The following MTA3 variants were observed in gnomAD, a reference collection of about 807,000 sequenced individuals.
MTA3 encodes metastasis associated 1 family member 3, also known as metastasis-associated protein MTA3.
In MTA3, 34 loss-of-function variants were observed where a neutral mutation model predicts 83.5. That is an observed-to-expected ratio of 0.41 (90% CI 0.31 to 0.54). The LOEUF is 0.54. Ranked by LOEUF, MTA3 falls within the 20% of genes least tolerant of loss-of-function variation. The probability of loss-of-function intolerance (pLI) is 0.33; values close to 1 mark genes in which losing one functional copy is unlikely to be tolerated. For missense variants in MTA3, 761 were observed against 726.4 expected (o/e 1.05, Z -0.55); for synonymous variants, 303 against 252.7 (o/e 1.20, Z -1.89).
intron 4 of MTA3, among the ~76,000 whole-genome samples, chr2:42,620,139 T>A (rs951334368): frequency 2.7e-5 from 4 of 150,182 alleles, no homozygotes; most frequent in African/African-American, 7.3e-5. Context: ...TTTTTTTTTT[T>A]AAAGAGTCTT....
rs772663125 is a variant in MTA3 at position 42,708,944 on chromosome 2, C to T, written c.1373C>T (p.Pro458Leu). 3 of 1,613,990 alleles carry T rather than the reference C, an allele frequency of 1.9e-6. No homozygotes were observed. The highest frequency in any genetic ancestry group is 2.5e-6 in the Non-Finnish European group (3 of 1,179,882). The change falls in exon 14 of 17, where the codon CCA becomes CTA. Residue 458 changes from proline to leucine, a missense_variant. Transcript: ENST00000405094. ...ATGCCAGTCCGAAACACTGGGAGTC[C>T]AAAGTCTGCAGTGAAGACCCGCCAA... ...QGMPVRNTGS[P>L]KSAVKTRQAF...
chr2:42,631,431 A>G (rs1686662669), intron 4 of MTA3, among the ~76,000 whole-genome samples: 1 of 152,180 alleles, frequency 6.6e-6, no homozygotes, highest in Admixed American at 6.5e-5. Flanking sequence ...AACCAGAATC[A>G]CAGTGCACAA....
At chr2:42,605,941 C>G (rs1235683845) in intron 3 of MTA3, among the ~76,000 whole-genome samples, 32 of 27,092 alleles carry the variant, frequency 1.2e-3, no homozygotes, top group Non-Finnish European at 1.5e-3. Flanking sequence ...CTCACCTCCC[C>G]GACGGGGCGG....
At chr2:42,515,621 G>T (rs1465011624) in intron 2 of MTA3, among the ~76,000 whole-genome samples, 1 of 151,716 alleles carries the variant, frequency 6.6e-6, no homozygotes, top group Non-Finnish European at 1.5e-5. Flanking sequence ...TCCTGCCTCA[G>T]CCTTCTGAGT....
intron 4 of MTA3, 139 bp from the exon 5 acceptor site, chr2:42,640,034 A>G: frequency 3.3e-6 from 2 of 610,262 alleles, no homozygotes; most frequent in East Asian, 3.0e-5. Context: ...AAGTGGGTCT[A>G]AATGGTTTGA....
chr2:42,674,697 C>G (rs1266308911), intron 8 of MTA3, among the ~76,000 whole-genome samples: 2 of 147,732 alleles, frequency 1.4e-5, no homozygotes, highest in Non-Finnish European at 3.0e-5. Context: ...TTCCTGAGTT[C>G]AAGGGATTCT....
intron 2 of MTA3, among the ~76,000 whole-genome samples, chr2:42,538,777 G>GTT (rs10707947): frequency 7.5e-6 from 1 of 133,706 alleles, no homozygotes; most frequent in African/African-American, 2.8e-5. Context: ...GTTTTTTTTT[G>GTT]TTTTTTTTGA....
In MTA3 at chr2:42,595,106, A is replaced by T. The variant is rs867126163; in HGVS notation, c.191-14352A>T. 1.0e-2 allele frequency among the ~76,000 whole-genome samples: 770 copies of T among 77,052 alleles called. 8 individuals carry two copies. Among genetic ancestry groups the T allele is most frequent in the African/African-American group, 0.034 (646 of 18,742 alleles). The allele number at this position is 77,052 out of a possible 152,430, so 50.5% of individuals were successfully genotyped here. The stretch of plus-strand genomic sequence containing the variant: ...GGTAGTAAGGCTAAACAGGAGCTTC[A>T]TTTTTTTTTTTTTTTTTTTTTGAGA... On this transcript the variant is annotated intron_variant, in intron 3 of 16. Coordinates refer to ENST00000405094, the MANE Select transcript of MTA3 (RefSeq NM_001330442.2).
chr2:42,626,415 C>T (rs895424294), intron 4 of MTA3, among the ~76,000 whole-genome samples: 3 of 151,532 alleles, frequency 2.0e-5, no homozygotes, highest in South Asian at 2.1e-4. Context: ...CTCCTGCCTC[C>T]GCCTCCAGGG....
chr2:42,559,801 G>C (rs549038313), intron 2 of MTA3, among the ~76,000 whole-genome samples: 1 of 140,502 alleles, frequency 7.1e-6, no homozygotes, highest in Admixed American at 7.1e-5. Context: ...ACTTGAACCC[G>C]GGGCGGGGGG....
intron 6 of MTA3, among the ~76,000 whole-genome samples, chr2:42,645,175 C>CA (rs1224226672): frequency 0.051 from 1,923 of 38,074 alleles, 61 homozygotes; most frequent in Admixed American, 0.062. Context: ...GACTCTGTCT[C>CA]AAAAAAAAAA....
chr2:42,504,590 C>A (rs1674545069), intron 2 of MTA3, among the ~76,000 whole-genome samples: 1 of 152,044 alleles, frequency 6.6e-6, no homozygotes, highest in Non-Finnish European at 1.5e-5. Flanking sequence ...ACATGTCGCT[C>A]CTGTGTCATA....
intron 3 of MTA3, among the ~76,000 whole-genome samples, chr2:42,592,521 C>T (rs1681138388): frequency 6.6e-6 from 1 of 152,044 alleles, no homozygotes; most frequent in Admixed American, 6.6e-5. Flanking sequence ...GAGATTGAGG[C>T]TGCAGTGAGC....
At chr2:42,648,475 G>A (rs925205303) in intron 6 of MTA3, among the ~76,000 whole-genome samples, 6 of 152,186 alleles carry the variant, frequency 3.9e-5, no homozygotes, top group Non-Finnish European at 7.3e-5. Context: ...ACTCTGCCAG[G>A]ATATGTTACA....
intron 4 of MTA3, among the ~76,000 whole-genome samples, chr2:42,637,145 C>T (rs963543837): frequency 6.6e-6 from 1 of 152,174 alleles, no homozygotes; most frequent in South Asian, 2.1e-4. Flanking sequence ...TGCGCAGTCT[C>T]TGAAACAGAT....
chr2:42,533,831 CA>C (rs11362156), intron 2 of MTA3, among the ~76,000 whole-genome samples: 44,449 of 114,614 alleles, frequency 0.39, 6,790 homozygotes, highest in Middle Eastern at 0.49. Context: ...GACTCCGTCT[CA>C]AAAAAAAAAA....
intron 16 of MTA3, among the ~76,000 whole-genome samples, chr2:42,735,245 G>A (rs1312269740): frequency 6.6e-6 from 1 of 152,122 alleles, no homozygotes; most frequent in Non-Finnish European, 1.5e-5. Context: ...ACTATTCTAA[G>A]ATAAAAGTTT....
intron 9 of MTA3, among the ~76,000 whole-genome samples, chr2:42,690,520 T>C (rs1182547492): frequency 1.3e-5 from 2 of 152,062 alleles, no homozygotes; most frequent in African/African-American, 2.4e-5. Context: ...TGTAATTCTC[T>C]GAGCATCCTA....
chr2:42,697,733 T>G, intron 10 of MTA3, 43 bp from the exon 11 acceptor site: 1 of 1,283,744 alleles, frequency 7.8e-7, no homozygotes, highest in South Asian at 1.5e-5. Context: ...GTAGTAATAA[T>G]TAGGCATTGC....
Sources: allele counts gnomAD v4.1 joint callset (sites outside exome capture counted in the v4.1 genomes callset), GRCh38; gene constraint gnomAD v4.1.1; transcripts MANE v1.5; gene names NCBI Gene and HGNC (gene_info 2026-07-23, HGNC 2026-07-21).